ITGA9: variants seen among roughly 807,000 people sequenced by gnomAD.
ITGA9 encodes the protein integrin subunit alpha 9.
A neutral mutation model predicts 127.8 loss-of-function variants in ITGA9; 56 were observed. That is an observed-to-expected ratio of 0.44 (90% CI 0.35 to 0.55). ITGA9 has a LOEUF of 0.55. Ranked by LOEUF, ITGA9 falls within the 20% of genes least tolerant of loss-of-function variation. The pLI is 0.00. For missense variants in ITGA9, 1,196 were observed against 1,347.1 expected (o/e 0.89, Z 1.76); for synonymous variants, 508 against 514.5 (o/e 0.99, Z 0.17).
intron 5 of ITGA9, among the ~76,000 whole-genome samples, chr3:37,497,907 C>T (rs1474050009): frequency 6.6e-6 from 1 of 152,198 alleles, no homozygotes; most frequent in African/African-American, 2.4e-5. Context: ...GTGGAAGGGC[C>T]TGAAGGGAGG....
Position 37,679,785 on chromosome 3 carries a change from A to C in ITGA9, c.1917-4080A>C, listed in dbSNP as rs144531667. On this transcript the variant is annotated intron_variant, in intron 17 of 27. Coordinates refer to ENST00000264741, the MANE Select transcript of ITGA9 (RefSeq NM_002207.3). ...GATATTCAAGGAATTTTATTCCCTG[A>C]GAAATTATGTGCCAGGCACTACTCT... Among the ~76,000 whole-genome samples, 5 of 152,320 alleles carry C rather than the reference A, an allele frequency of 3.3e-5. No homozygotes were observed. In the East Asian group the frequency reaches 7.7e-4, roughly 24 times the overall value.
In ITGA9 at chr3:37,503,913, A is replaced by T. The variant is rs761905764; in HGVS notation, c.742+606A>T. Among the ~76,000 whole-genome samples, 17 of 152,240 alleles carry T rather than the reference A, an allele frequency of 1.1e-4. 1 individual carries two copies. The highest frequency in any genetic ancestry group is 9.2e-4 in the Admixed American group (14 of 15,286). ...ACATAGGCTGTCTTTGCTTGTGTAG[A>T]TGACAATTACAAGACTCTTTTCTTT... On this transcript the variant is annotated intron_variant, in intron 6 of 27. Coordinates refer to ENST00000264741, the MANE Select transcript of ITGA9 (RefSeq NM_002207.3).
intron 2 of ITGA9, among the ~76,000 whole-genome samples, chr3:37,472,827 G>A (rs1698447461): frequency 6.6e-6 from 1 of 152,132 alleles, no homozygotes; most frequent in Non-Finnish European, 1.5e-5. Context: ...TCAAGGCCCT[G>A]CCTCTTTCCA....
chr3:37,574,737 C>T (rs190809796), intron 15 of ITGA9, among the ~76,000 whole-genome samples: 6 of 152,294 alleles, frequency 3.9e-5, no homozygotes, highest in Admixed American at 2.6e-4. Context: ...AGGTCACAGG[C>T]GCCACAGCTG....
chr3:37,490,598 C>G (rs904683767), intron 4 of ITGA9, among the ~76,000 whole-genome samples: 1 of 152,150 alleles, frequency 6.6e-6, no homozygotes, highest in African/African-American at 2.4e-5. Context: ...ATGGTTTTAT[C>G]CTGGTCTTTT....
chr3:37,794,976 T>A lies in ITGA9; in HGVS notation c.2890-8847T>A, dbSNP rs115459609. The stretch of plus-strand genomic sequence containing the variant: ...TGAGGCATGGTTCTGCTGAAAACAT[T>A]TATTCCAGCCCCAACCACCCTGTCT... On this transcript the variant is annotated intron_variant, in intron 26 of 27. Coordinates refer to ENST00000264741, the MANE Select transcript of ITGA9 (RefSeq NM_002207.3). Among the ~76,000 whole-genome samples, 796 of 152,296 alleles carry A rather than the reference T, an allele frequency of 5.2e-3. 10 individuals carry two copies. Among genetic ancestry groups the A allele is most frequent in the Middle Eastern group, 0.024 (7 of 294 alleles).
In ITGA9 at chr3:37,521,634, G is replaced by A. The variant is rs1699044825; in HGVS notation, c.1237-1887G>A. Reference sequence around the variant, plus strand: ...GCATAATGGCCTGCAGATGTCTGTGGGATAACTTAAGCCTGCATCACCACC... The same window carrying A: ...GCATAATGGCCTGCAGATGTCTGTGAGATAACTTAAGCCTGCATCACCACC... On this transcript the variant is annotated intron_variant, in intron 11 of 27. Coordinates refer to ENST00000264741, the MANE Select transcript of ITGA9 (RefSeq NM_002207.3). Among the ~76,000 whole-genome samples, 2 of 152,138 alleles carry A rather than the reference G, an allele frequency of 1.3e-5. 1 individual carries two copies. The highest frequency in any genetic ancestry group is 4.2e-4 in the South Asian group (2 of 4,818).
intron 19 of ITGA9, among the ~76,000 whole-genome samples, chr3:37,734,939 C>A (rs1696340717): frequency 6.6e-6 from 1 of 152,190 alleles, no homozygotes; most frequent in Admixed American, 6.5e-5. Context: ...GGCATGGGAG[C>A]AGAGGGTGAT....
intron 22 of ITGA9, chr3:37,748,054 C>T (rs1041871524): frequency 1.3e-5 from 5 of 375,838 alleles, no homozygotes; most frequent in Non-Finnish European, 2.6e-5. Flanking sequence ...TTCAATCACC[C>T]CCAAAAGAAA....
intron 1 of ITGA9, among the ~76,000 whole-genome samples, chr3:37,465,075 T>C (rs1417764597): frequency 6.6e-6 from 1 of 152,238 alleles, no homozygotes; most frequent in African/African-American, 2.4e-5. Context: ...CCTAATGGGT[T>C]TAAAGTTTTT....
chr3:37,487,599 C>T (rs866752821), intron 4 of ITGA9, among the ~76,000 whole-genome samples: 15 of 152,186 alleles, frequency 9.9e-5, no homozygotes, highest in African/African-American at 3.6e-4. Flanking sequence ...AGGTACTTAA[C>T]ATTTTTGATC....
At chr3:37,558,457 A>G (rs1699452355) in intron 15 of ITGA9, among the ~76,000 whole-genome samples, 1 of 151,792 alleles carries the variant, frequency 6.6e-6, no homozygotes, top group African/African-American at 2.4e-5. Flanking sequence ...TGTCCCTCCC[A>G]CCCCTTGCTT....
chr3:37,695,703 A>ATAAC (rs1700878023), intron 18 of ITGA9, among the ~76,000 whole-genome samples: 1 of 152,240 alleles, frequency 6.6e-6, no homozygotes, highest in Non-Finnish European at 1.5e-5. Flanking sequence ...GCACCTGAGC[A>ATAAC]TAACTAGTGA....
rs148734899 is a variant in ITGA9 at position 37,517,919 on chromosome 3, A to G, written c.1141+310A>G. On this transcript the variant is annotated intron_variant, in intron 10 of 27. Coordinates refer to ENST00000264741, the MANE Select transcript of ITGA9 (RefSeq NM_002207.3). ...GGGGCTGGTCCATTTGGGACTTCTT[A>G]TGGCAAGAAGTTTGAATAGCTTCAT... Among the ~76,000 whole-genome samples, 910 of 152,282 alleles carry G rather than the reference A, an allele frequency of 6.0e-3. 8 individuals are homozygous for G. Among genetic ancestry groups the G allele is most frequent in the Non-Finnish European group, 4.7e-3 (319 of 68,020 alleles).
intron 15 of ITGA9, among the ~76,000 whole-genome samples, chr3:37,623,477 C>A (rs56370353): frequency 0.13 from 20,438 of 152,094 alleles, 1,773 homozygotes; most frequent in Admixed American, 0.28. Context: ...TCTGGAAACA[C>A]CTCAAGGGAA....
In ITGA9 at chr3:37,629,533, T is replaced by G. The variant is rs1430256055; in HGVS notation, c.1839+197T>G. 2.1e-5 allele frequency: 14 copies of G among 670,774 alleles called. No homozygotes were observed. The East Asian group carries it at 3.8e-4, about 18-fold the overall frequency. The allele number at this position is 670,774 out of a possible 1,614,324, so 41.6% of individuals were successfully genotyped here. On this transcript the variant is annotated intron_variant, in intron 16 of 27. Coordinates refer to ENST00000264741, the MANE Select transcript of ITGA9 (RefSeq NM_002207.3). This position sits in a 1 kb window ranked among gnomAD's most constrained non-coding sequence, Gnocchi z 4.5. The stretch of plus-strand genomic sequence containing the variant: ...TCTTAGGGGTTACTTGTGACTACTG[T>G]GGGACTTAAACACTTTCAGACAATT...
intron 12 of ITGA9, among the ~76,000 whole-genome samples, chr3:37,524,367 T>C (rs1481538752): frequency 1.3e-5 from 2 of 152,238 alleles, no homozygotes; most frequent in African/African-American, 2.4e-5. Flanking sequence ...TTGAGAAATA[T>C]TTCTTTCCAC....
At chr3:37,600,093 G>A (rs9819160) in intron 15 of ITGA9, among the ~76,000 whole-genome samples, 5,986 of 152,190 alleles carry the variant, frequency 0.039, 385 homozygotes, top group African/African-American at 0.13. Context: ...CAGAAGATGG[G>A]CATTTCATCC....
At chr3:37,699,412 C>T (rs1700922103) in intron 18 of ITGA9, among the ~76,000 whole-genome samples, 1 of 152,186 alleles carries the variant, frequency 6.6e-6, no homozygotes, top group East Asian at 1.9e-4. Context: ...CTTGGCTCTC[C>T]CTTTTCTCTC....
Sources: allele counts gnomAD v4.1 joint callset (sites outside exome capture counted in the v4.1 genomes callset), GRCh38; gene constraint gnomAD v4.1.1; non-coding constraint Gnocchi (gnomAD v3.1); transcripts MANE v1.5; gene names NCBI Gene and HGNC (gene_info 2026-07-23, HGNC 2026-07-21).